Variants in CDKL1 observed in about 807,000 individuals in gnomAD.
The protein encoded by CDKL1 is cyclin-dependent kinase-like 1.
Under a neutral mutation model 42.0 loss-of-function variants are expected in CDKL1, and 41 were observed. That is an observed-to-expected ratio of 0.98 (90% CI 0.76 to 1.27). The LOEUF (loss-of-function observed/expected upper bound fraction) is 1.27. Among genes scored for constraint, CDKL1 ranks in the 50% most tolerant of loss-of-function variants. The pLI, the probability that CDKL1 is intolerant of heterozygous loss-of-function variation, is 0.00. For synonymous variants in CDKL1, 153 were observed against 158.6 expected (o/e 0.96, Z 0.26); for missense variants, 394 against 428.4 (o/e 0.92, Z 0.71).
At chr14:50,336,071 T>A (rs1313259010) in intron 7 of CDKL1, 8 of 1,366,288 alleles carry the variant, frequency 5.9e-6, no homozygotes, top group Non-Finnish European at 7.8e-6. Context: ...GACGTGCCAT[T>A]GCTATATCAT....
At chr14:50,358,568 T>G (rs899625873) in intron 3 of CDKL1, among the ~76,000 whole-genome samples, 1 of 151,814 alleles carries the variant, frequency 6.6e-6, no homozygotes. Flanking sequence ...TAACATTTTT[T>G]GTAATCTTTC....
At position 50,348,315 on chromosome 14, in the gene CDKL1, C is replaced by A. The variant is rs79854727; in HGVS notation, c.291-3257G>T. 2.5e-3 allele frequency among the ~76,000 whole-genome samples: 374 copies of A among 152,250 alleles called. 3 individuals are homozygous for A. The highest frequency in any genetic ancestry group is 3.9e-3 in the Non-Finnish European group (264 of 68,020). ...TTAGAAAATAATTAAATCCCTAGATCCCCTCCTCTATCATTTGCCCATAGG... is the reference window on the plus strand; with the variant it reads ...TTAGAAAATAATTAAATCCCTAGATACCCTCCTCTATCATTTGCCCATAGG... On this transcript the variant is annotated intron_variant, in intron 3 of 9. Transcript: ENST00000395834.
chr14:50,387,569 G>C lies in CDKL1; in HGVS notation c.168+8132C>G, dbSNP rs568428025. 6.6e-5 allele frequency among the ~76,000 whole-genome samples: 10 copies of C among 151,554 alleles called. No individual in the cohort carries two copies. The South Asian group carries it at 2.1e-3, about 32-fold the overall frequency. Reference sequence around the variant, plus strand: ...ACCCAGCACCTTAGGCTTGCAGTCTGTGGCACTGAGCAGTAGCTGTCCACT... The same window carrying C: ...ACCCAGCACCTTAGGCTTGCAGTCTCTGGCACTGAGCAGTAGCTGTCCACT... On this transcript the variant is annotated intron_variant, in intron 2 of 9. Coordinates refer to ENST00000395834, the MANE Select transcript of CDKL1 (RefSeq NM_004196.7).
At chr14:50,347,696 AG>A (rs1210355192) in intron 3 of CDKL1, among the ~76,000 whole-genome samples, 1 of 152,200 alleles carries the variant, frequency 6.6e-6, no homozygotes, top group African/African-American at 2.4e-5. Flanking sequence ...TTCTACATTC[AG>A]AAGGAAGGTC....
chr14:50,370,577 A>G lies in CDKL1; in HGVS notation c.169-11428T>C, dbSNP rs116848311. On this transcript the variant is annotated intron_variant, in intron 2 of 9. Coordinates refer to ENST00000395834, the MANE Select transcript of CDKL1 (RefSeq NM_004196.7). The stretch of plus-strand genomic sequence containing the variant: ...TGTATTAGGCTGTTCTCACATTGCT[A>G]TAAATACCTGAGACTGGGTAATTTA... 2.6e-4 allele frequency among the ~76,000 whole-genome samples: 39 copies of G among 152,326 alleles called. No homozygotes were observed. The East Asian group carries it at 6.7e-3, about 26-fold the overall frequency.
At chr14:50,384,682 CTTT>C (rs11285101) in intron 2 of CDKL1, among the ~76,000 whole-genome samples, 4 of 141,774 alleles carry the variant, frequency 2.8e-5, no homozygotes, top group African/African-American at 5.2e-5. Context: ...GAAAATCTTT[CTTT>C]TTTTTTTTTT....
At chr14:50,392,553 C>A (rs1003909903) in intron 2 of CDKL1, among the ~76,000 whole-genome samples, 15 of 151,788 alleles carry the variant, frequency 9.9e-5, no homozygotes, top group African/African-American at 3.6e-4. Flanking sequence ...CCTCCCTTGC[C>A]GGTTCCTTTT....
intron 3 of CDKL1, chr14:50,358,197 C>T (rs2034116280): frequency 8.0e-7 from 1 of 1,242,812 alleles, no homozygotes; most frequent in Non-Finnish European, 1.0e-6. Flanking sequence ...CACTCCCACC[C>T]TTCTCAGTTA....
At chr14:50,336,291 T>C (rs1454902336) in intron 7 of CDKL1, 1 of 1,215,426 alleles carries the variant, frequency 8.2e-7, no homozygotes, top group Non-Finnish European at 1.1e-6. Context: ...ACAGGAAATC[T>C]GCAGGACAAT....
intron 7 of CDKL1, chr14:50,334,827 C>T: frequency 1.9e-6 from 1 of 526,618 alleles, no homozygotes; most frequent in Non-Finnish European, 3.4e-6. Flanking sequence ...TCCAAATTTG[C>T]TTCGTAACTA....
chr14:50,357,679 GC>G (rs1451622764), intron 3 of CDKL1, among the ~76,000 whole-genome samples: 1 of 152,102 alleles, frequency 6.6e-6, no homozygotes, highest in African/African-American at 2.4e-5. Flanking sequence ...ACAGTAATAG[GC>G]CCCAGGGATA....
At chr14:50,344,901 A>G (rs764085871) in intron 4 of CDKL1, 85 bp downstream of exon 4, 43 of 1,162,528 alleles carry the variant, frequency 3.7e-5, no homozygotes, top group Non-Finnish European at 5.4e-5. Flanking sequence ...TTTTACCCAC[A>G]GAAGTGTGAC....
At position 50,387,731 on chromosome 14, in the gene CDKL1, A is replaced by G. The variant is rs928114054; in HGVS notation, c.168+7970T>C. Among the ~76,000 whole-genome samples, 3 of 152,200 alleles carry G rather than the reference A, an allele frequency of 2.0e-5. No homozygotes were observed. The South Asian group carries it at 6.2e-4, about 31-fold the overall frequency. On this transcript the variant is annotated intron_variant, in intron 2 of 9. Coordinates refer to ENST00000395834, the MANE Select transcript of CDKL1 (RefSeq NM_004196.7). ...GGTTTGTTAATCCATAATCCATAAC[A>G]GAAAATGCTGAACTCAGCTAAAACA...
chr14:50,343,675 G>A (rs1055780914), intron 4 of CDKL1, among the ~76,000 whole-genome samples: 1 of 152,054 alleles, frequency 6.6e-6, no homozygotes, highest in African/African-American at 2.4e-5. Flanking sequence ...AGCCAAACAG[G>A]GTGTCTGGGG....
intron 2 of CDKL1, among the ~76,000 whole-genome samples, chr14:50,392,490 A>G (rs907666573): frequency 9.2e-6 from 1 of 108,262 alleles, no homozygotes; most frequent in African/African-American, 3.8e-5. Flanking sequence ...AATAATAATA[A>G]TGAAAGAACA....
chr14:50,375,812 C>T (rs901548807), intron 2 of CDKL1, among the ~76,000 whole-genome samples: 152 of 151,986 alleles, frequency 1.0e-3, no homozygotes, highest in African/African-American at 3.6e-3. Flanking sequence ...AAAAAAATAG[C>T]GGTAAGTCAT....
At chr14:50,368,281 G>A (rs1017870141) in intron 2 of CDKL1, among the ~76,000 whole-genome samples, 2 of 150,948 alleles carry the variant, frequency 1.3e-5, no homozygotes, top group East Asian at 3.9e-4. Flanking sequence ...TTTTGAGACA[G>A]GGTCTTTCTC....
At chr14:50,336,070 T>C (rs761882305) in intron 7 of CDKL1, 2 of 1,366,434 alleles carry the variant, frequency 1.5e-6, no homozygotes, top group East Asian at 4.5e-5. Flanking sequence ...TGACGTGCCA[T>C]TGCTATATCA....
intron 1 of CDKL1, among the ~76,000 whole-genome samples, 181 bp from the exon 2 acceptor site, chr14:50,396,510 G>A (rs920221381): frequency 4.6e-5 from 7 of 152,234 alleles, no homozygotes; most frequent in Non-Finnish European, 4.4e-5. Context: ...TGTAAGATAA[G>A]CTATCTTTTT....
Sources: gnomAD v4.1 joint callset for allele counts (sites outside exome capture counted in the v4.1 genomes callset) on GRCh38, gnomAD v4.1.1 for gene constraint, MANE v1.5 for transcripts, NCBI Gene and HGNC (gene_info 2026-07-23, HGNC 2026-07-21) for gene names.